Variants in ARHGAP28 observed in about 807,000 individuals in gnomAD.
ARHGAP28 encodes Rho GTPase activating protein 28, also known as rho GTPase-activating protein 28.
In ARHGAP28, 56 loss-of-function variants were observed where a neutral mutation model predicts 90.7. That is an observed-to-expected ratio of 0.62 (90% CI 0.50 to 0.77). The LOEUF is 0.77. ARHGAP28 is among the 30% of genes least tolerant of loss of function. The probability of loss-of-function intolerance (pLI) is 0.00; values close to 1 mark genes in which losing one functional copy is unlikely to be tolerated. For synonymous variants in ARHGAP28, 308 were observed against 323.3 expected (o/e 0.95, Z 0.51); for missense variants, 869 against 900.9 (o/e 0.96, Z 0.45).
At chr18:6,742,240 C>T (rs907596852) in intron 1 of ARHGAP28, among the ~76,000 whole-genome samples, 4 of 148,554 alleles carry the variant, frequency 2.7e-5, no homozygotes, top group African/African-American at 5.0e-5. Flanking sequence ...GATCTTGGCT[C>T]ACTGCAACCT....
intron 14 of ARHGAP28, among the ~76,000 whole-genome samples, chr18:6,892,434 G>A (rs2057273267): frequency 6.6e-6 from 1 of 152,184 alleles, no homozygotes; most frequent in Admixed American, 6.5e-5. Flanking sequence ...TGACAGGAGT[G>A]AACCACCACA....
intron 1 of ARHGAP28, among the ~76,000 whole-genome samples, chr18:6,767,809 C>T (rs1326360043): frequency 1.3e-5 from 2 of 152,140 alleles, no homozygotes; most frequent in Non-Finnish European, 2.9e-5. Flanking sequence ...TTTGTGTTAT[C>T]TTTCTTCGAG....
chr18:6,859,981 A>C, intron 5 of ARHGAP28, 84 bp downstream of exon 5: 3 of 1,199,376 alleles, frequency 2.5e-6, no homozygotes, highest in Non-Finnish European at 2.4e-6. Context: ...AGAAGAAGCA[A>C]TTCTTTAAAA....
intron 9 of ARHGAP28, 83 bp downstream of exon 9, chr18:6,873,858 C>A (rs562109504): frequency 1.7e-6 from 2 of 1,200,726 alleles, no homozygotes; most frequent in Non-Finnish European, 2.4e-6. Context: ...AATGAATTTT[C>A]TTTTATATTT....
chr18:6,907,998 G>A (rs2057373334), intron 16 of ARHGAP28, among the ~76,000 whole-genome samples: 1 of 152,166 alleles, frequency 6.6e-6, no homozygotes, highest in Non-Finnish European at 1.5e-5. Context: ...TCCTTGATGG[G>A]GATGGAGGTC....
intron 1 of ARHGAP28, among the ~76,000 whole-genome samples, chr18:6,783,720 T>C (rs1025262393): frequency 6.6e-6 from 1 of 152,190 alleles, no homozygotes; most frequent in African/African-American, 2.4e-5. Flanking sequence ...CCCCTTGCCC[T>C]CTAGTTCCCA....
At chr18:6,910,685 A>C (rs2057391427) in intron 17 of ARHGAP28, among the ~76,000 whole-genome samples, 1 of 151,864 alleles carries the variant, frequency 6.6e-6, no homozygotes, top group African/African-American at 2.4e-5. Context: ...ACTTGATATC[A>C]TGTTTGTTTG....
chr18:6,877,738 C>T (rs188562286), intron 10 of ARHGAP28, among the ~76,000 whole-genome samples: 13 of 152,220 alleles, frequency 8.5e-5, no homozygotes, highest in African/African-American at 3.1e-4. Flanking sequence ...CTCCGTTTCT[C>T]GTGTGTTTCG....
chr18:6,846,032 C>A (rs2056863423), intron 3 of ARHGAP28, among the ~76,000 whole-genome samples: 1 of 152,082 alleles, frequency 6.6e-6, no homozygotes. Context: ...TGATCTATAC[C>A]ATGTGTCATG....
intron 1 of ARHGAP28, among the ~76,000 whole-genome samples, chr18:6,740,159 G>T (rs566917051): frequency 6.6e-6 from 1 of 152,050 alleles, no homozygotes; most frequent in Non-Finnish European, 1.5e-5. Context: ...CGGCCTTACC[G>T]TAAGAATTCA....
rs560386174 is a variant in ARHGAP28, at chr18:6,742,661, G to C, written c.122+12718G>C. Among the ~76,000 whole-genome samples, 3 of 152,282 alleles carry C rather than the reference G, an allele frequency of 2.0e-5. No individual in the cohort carries two copies. In the East Asian group the frequency reaches 5.8e-4, roughly 29 times the overall value. ...TTGGAAGCCTAGGAGGGAGATCAAG[G>C]CTGAAAGTTCTAAGCTATTTATTCA... On this transcript the variant is annotated intron_variant, in intron 1 of 17. Coordinates refer to ENST00000383472, the MANE Select transcript of ARHGAP28 (RefSeq NM_001366230.1).
chr18:6,837,377 G>A lies in ARHGAP28; in HGVS notation c.506G>A (p.Arg169Lys). Residue 169 changes from arginine to lysine, a missense_variant, in exon 3 of 18, where the codon AGG becomes AAG. Arg to Lys is a conservative substitution (Grantham distance 26, BLOSUM62 2). Coordinates refer to ENST00000383472, the MANE Select transcript of ARHGAP28 (RefSeq NM_001366230.1). ...TMRKKDKQSI[R>K]DVRDIFGVSE... ...AGGAAAAAGGATAAGCAATCTATCA[G>A]GGATGTCAGAGACATTTTTGGAGTC... 1 of 1,613,954 alleles carries A rather than the reference G, an allele frequency of 6.2e-7. No individual in the cohort carries two copies.
chr18:6,789,702 T>C (rs2056392048), intron 1 of ARHGAP28: 1 of 152,168 alleles, frequency 6.6e-6, no homozygotes, highest in Admixed American at 6.5e-5. Context: ...CAATTTTTAA[T>C]TTAACACTAT....
intron 1 of ARHGAP28, among the ~76,000 whole-genome samples, chr18:6,783,796 G>A (rs1265090031): frequency 6.6e-6 from 1 of 152,162 alleles, no homozygotes; most frequent in Non-Finnish European, 1.5e-5. Flanking sequence ...AGACTGGGAT[G>A]TTTATTCCCC....
At chr18:6,838,691 G>C (rs1371151915) in intron 3 of ARHGAP28, among the ~76,000 whole-genome samples, 2 of 152,188 alleles carry the variant, frequency 1.3e-5, no homozygotes, top group Non-Finnish European at 2.9e-5. Flanking sequence ...TGTAGCTTAT[G>C]TATTGAATAA....
intron 14 of ARHGAP28, among the ~76,000 whole-genome samples, chr18:6,892,486 T>C (rs2057273718): frequency 6.6e-6 from 1 of 152,204 alleles, no homozygotes; most frequent in African/African-American, 2.4e-5. Context: ...ATGTCTGGAC[T>C]TCCTTAGTTT....
At chr18:6,751,441 T>C in intron 1 of ARHGAP28, among the ~76,000 whole-genome samples, 1 of 152,108 alleles carries the variant, frequency 6.6e-6, no homozygotes, top group East Asian at 1.9e-4. Context: ...TTCTTGGAGG[T>C]ATTAATAATT....
chr18:6,850,826 CTGTTACAGTACA>C (rs1567969957), intron 3 of ARHGAP28, 196 bp from the exon 4 acceptor site: 1 of 1,522,528 alleles, frequency 6.6e-7, no homozygotes, highest in East Asian at 2.4e-5. Flanking sequence ...GAGACGAATT[CTGTTACAGTACA>C]TGGCATTTAT....
rs762184402 is a variant in ARHGAP28, at chr18:6,873,505, T to C, written c.1051T>C (p.Leu351=). The C allele has an allele frequency of 3.1e-6, 5 of 1,614,178 alleles. No homozygotes were observed. Among genetic ancestry groups the C allele is most frequent in the Non-Finnish European group, 4.2e-6 (5 of 1,180,018 alleles). ...AATCCGCCATCTCTCTCTGATTGAATTGACTGCCTTTTTTGATGCCTTTGG... is the reference window on the plus strand; with the variant it reads ...AATCCGCCATCTCTCTCTGATTGAACTGACTGCCTTTTTTGATGCCTTTGG... ...KKIRHLSLIE[L]TAFFDAFGIQ... The change falls in exon 8 of 18, where the codon TTG becomes CTG. Residue 351 remains leucine, a synonymous_variant. Coordinates refer to ENST00000383472, the MANE Select transcript of ARHGAP28 (RefSeq NM_001366230.1).
Sources: allele counts gnomAD v4.1 joint callset (sites outside exome capture counted in the v4.1 genomes callset), GRCh38; gene constraint gnomAD v4.1.1; transcripts MANE v1.5; gene names NCBI Gene and HGNC (gene_info 2026-07-23, HGNC 2026-07-21).